Variants in KCTD1 observed in about 807,000 individuals in gnomAD.
KCTD1 encodes the protein potassium channel tetramerization domain containing 1.
A neutral mutation model predicts 66.0 loss-of-function variants in KCTD1; 24 were observed. That is an observed-to-expected ratio of 0.36 (90% CI 0.26 to 0.51). KCTD1 has a LOEUF of 0.51. Ranked by LOEUF, KCTD1 falls within the 20% of genes least tolerant of loss-of-function variation. The pLI is 0.95. For synonymous variants in KCTD1, 511 were observed against 517.2 expected, an observed-to-expected ratio of 0.99 and a Z score of 0.16; for missense variants, 943 against 1,205.2, an observed-to-expected ratio of 0.78 and a Z score of 3.22.
At chr18:26,514,265 G>A (rs1567975734) in intron 1 of KCTD1, among the ~76,000 whole-genome samples, 1 of 152,130 alleles carries the variant, frequency 6.6e-6, no homozygotes, top group Non-Finnish European at 1.5e-5. Context: ...GTGTGGGGGA[G>A]GAGAGAGCCA....
At chr18:26,546,225 T>TAAAAAA (rs4059262) in intron 1 of KCTD1, among the ~76,000 whole-genome samples, 4 of 142,126 alleles carry the variant, frequency 2.8e-5, no homozygotes, top group East Asian at 4.1e-4. Context: ...CCCTTTTCTT[T>TAAAAAA]AAAAAAAAAA....
chr18:26,633,634 C>T (rs1198602526), upstream of KCTD1, among the ~76,000 whole-genome samples: 2 of 151,966 alleles, frequency 1.3e-5, no homozygotes, highest in Non-Finnish European at 1.5e-5. Flanking sequence ...AAAGAATGTA[C>T]TTATATCATA....
intron 1 of KCTD1, among the ~76,000 whole-genome samples, chr18:26,618,504 A>G (rs548479924): frequency 6.6e-6 from 1 of 152,342 alleles, no homozygotes; most frequent in Non-Finnish European, 1.5e-5. Context: ...CTCAGAATAA[A>G]CGATGCCTCT....
Position 26,476,706 on chromosome 18 carries a change from C to G in KCTD1, c.1989-47G>C, listed in dbSNP as rs371934086. Reference sequence around the variant, plus strand: ...AGTGAAGACAATTAGATCAATTGTTCGGGCACTAGGACTAAGAGGTGTCTT... The same window carrying G: ...AGTGAAGACAATTAGATCAATTGTTGGGGCACTAGGACTAAGAGGTGTCTT... On this transcript the variant is annotated intron_variant, in intron 2 of 4. Coordinates refer to ENST00000580059, the MANE Select transcript of KCTD1 (RefSeq NM_001142730.3). This position sits in a 1 kb window ranked among gnomAD's most constrained non-coding sequence, Gnocchi z 4.9. 3.2e-6 allele frequency: 5 copies of G among 1,559,546 alleles called. No individual in the cohort carries two copies. The highest frequency in any genetic ancestry group is 1.8e-5 in the Admixed American group (1 of 56,928).
At chr18:26,535,619 A>C (rs1018332179) in intron 1 of KCTD1, among the ~76,000 whole-genome samples, 35 of 152,100 alleles carry the variant, frequency 2.3e-4, no homozygotes, top group African/African-American at 8.5e-4. Flanking sequence ...ACAAAATCAC[A>C]CTAAGATTCA....
At chr18:26,477,756 T>C (rs1567961109) in intron 2 of KCTD1, among the ~76,000 whole-genome samples, 1 of 152,222 alleles carries the variant, frequency 6.6e-6, no homozygotes, top group Non-Finnish European at 1.5e-5. Context: ...TTTGTTTCAA[T>C]AGAAATCTTT....
intron 1 of KCTD1, among the ~76,000 whole-genome samples, chr18:26,616,793 C>T (rs1450121465): frequency 6.6e-6 from 1 of 152,108 alleles, no homozygotes; most frequent in Non-Finnish European, 1.5e-5. Flanking sequence ...GCTGGGATTA[C>T]AAGCATGAGC....
chr18:26,457,332 CG>C (rs1567951885), intron 4 of KCTD1: 2 of 152,056 alleles, frequency 1.3e-5, no homozygotes, highest in African/African-American at 4.8e-5. Flanking sequence ...AATACAAAGA[CG>C]AAGAACAGCT....
intron 1 of KCTD1, among the ~76,000 whole-genome samples, chr18:26,656,437 G>A (rs373583415): frequency 3.3e-5 from 5 of 152,014 alleles, no homozygotes; most frequent in Non-Finnish European, 5.9e-5. Context: ...TAAATGAAAC[G>A]TTTGCATCCA....
At chr18:26,657,262 G>T (rs1988177696) in intron 1 of KCTD1, 4 of 899,444 alleles carry the variant, frequency 4.4e-6, no homozygotes, top group Non-Finnish European at 5.3e-6. Flanking sequence ...CCGCGCTCTC[G>T]CCCCATGCCT....
intron 1 of KCTD1, among the ~76,000 whole-genome samples, chr18:26,601,862 C>A (rs1180676587): frequency 6.6e-6 from 1 of 152,052 alleles, no homozygotes; most frequent in Non-Finnish European, 1.5e-5. Context: ...TGCAACCTTG[C>A]AGAACTTGTT....
chr18:26,643,457 T>C (rs4416098), upstream of KCTD1, among the ~76,000 whole-genome samples: 2,975 of 152,206 alleles, frequency 0.02, 93 homozygotes, highest in African/African-American at 0.067. Flanking sequence ...GACAAGATGT[T>C]AGAAGGGACA....
At chr18:26,621,357 G>T (rs1297356812) in intron 1 of KCTD1, among the ~76,000 whole-genome samples, 1 of 152,006 alleles carries the variant, frequency 6.6e-6, no homozygotes, top group Non-Finnish European at 1.5e-5. Flanking sequence ...ACTACCTGAT[G>T]GTGCACGTTT....
rs57856118 is a variant in KCTD1 at position 26,647,519 on chromosome 18, C to CAAAAAAAAAAAAAAAAAAAAAAAAAA, written c.9+9815_9+9840dup. ...TGGGAAACAGAGTGAGACTCCATCT[C>CAAAAAAAAAAAAAAAAAAAAAAAAAA]AAAAAAAAAAAAAAAAAAAAAAAAA... is the stretch of plus-strand genomic sequence containing the variant. On this transcript the variant is annotated intron_variant, in intron 1 of 4. Transcript: ENST00000580191. Among the ~76,000 whole-genome samples, 10 of 57,318 alleles carry CAAAAAAAAAAAAAAAAAAAAAAAAAA rather than the reference C, an allele frequency of 1.7e-4. 1 individual carries two copies. The highest frequency in any genetic ancestry group is 7.5e-4 in the East Asian group (1 of 1,338). The allele number at this position is 57,318 out of a possible 152,430, so 37.6% of individuals were successfully genotyped here.
At chr18:26,493,531 C>G (rs1187181242) in intron 2 of KCTD1, among the ~76,000 whole-genome samples, 1 of 152,210 alleles carries the variant, frequency 6.6e-6, no homozygotes, top group South Asian at 2.1e-4. Context: ...CTAGATCTCA[C>G]GCTTCCATCT....
chr18:26,508,569 G>A (rs558797595), intron 1 of KCTD1, among the ~76,000 whole-genome samples: 1 of 152,280 alleles, frequency 6.6e-6, no homozygotes, highest in South Asian at 2.1e-4. Context: ...AGGTTTCTTA[G>A]TGATACCTCC....
chr18:26,486,365 C>T (rs189168526), intron 2 of KCTD1, among the ~76,000 whole-genome samples: 36 of 152,340 alleles, frequency 2.4e-4, no homozygotes, highest in African/African-American at 8.2e-4. Flanking sequence ...ATGCTGTCCC[C>T]GACTCACAGT....
At chr18:26,456,780 C>CA (rs1416041898) in intron 4 of KCTD1, 1 of 150,944 alleles carries the variant, frequency 6.6e-6, no homozygotes, top group Non-Finnish European at 1.5e-5. Context: ...ATTAGATAGA[C>CA]AAAAATACAG....
At chr18:26,608,025 C>A (rs575978905) in intron 1 of KCTD1, among the ~76,000 whole-genome samples, 29 of 152,292 alleles carry the variant, frequency 1.9e-4, no homozygotes, top group South Asian at 1.0e-3. Flanking sequence ...CCCACCTCAG[C>A]CTCCCAAAGT....
Sources: allele counts gnomAD v4.1 joint callset (sites outside exome capture counted in the v4.1 genomes callset), GRCh38; gene constraint gnomAD v4.1.1; non-coding constraint Gnocchi (gnomAD v3.1); transcripts MANE v1.5; gene names NCBI Gene and HGNC (gene_info 2026-07-23, HGNC 2026-07-21).